AFDN: variants seen among roughly 807,000 people sequenced by gnomAD.
The protein encoded by AFDN is afadin, adherens junction formation factor.
AFDN carries 68 observed loss-of-function variants against 216.6 expected under a neutral mutation model. The observed-to-expected ratio is 0.31, with a 90% confidence interval of 0.26 to 0.38. AFDN has a LOEUF of 0.38. AFDN is among the 10% of genes least tolerant of loss of function. The probability of loss-of-function intolerance (pLI) is 1.00; values close to 1 mark genes in which losing one functional copy is unlikely to be tolerated. For missense variants in AFDN, 2,136 were observed against 2,342.0 expected (o/e 0.91, Z 1.82); for synonymous variants, 868 against 853.7 (o/e 1.02, Z -0.29).
At chr6:167,931,141 A>T (rs57847661) in intron 23 of AFDN, among the ~76,000 whole-genome samples, 23,210 of 152,190 alleles carry the variant, frequency 0.15, 1,976 homozygotes, top group South Asian at 0.23. Flanking sequence ...GTAGGTACTG[A>T]TACATATTTG....
chr6:167,905,661 A>G (rs912491830), intron 12 of AFDN, among the ~76,000 whole-genome samples: 9 of 152,078 alleles, frequency 5.9e-5, no homozygotes, highest in African/African-American at 2.2e-4. Context: ...AAAGTCACTT[A>G]AAAACAAATG....
intron 30 of AFDN, among the ~76,000 whole-genome samples, chr6:167,959,166 C>T (rs534615230): frequency 6.6e-6 from 1 of 152,328 alleles, no homozygotes; most frequent in African/African-American, 2.4e-5. Flanking sequence ...GCCACAAGGG[C>T]GTTTCACCAG....
Position 167,827,011 on chromosome 6 carries a change from AGCCGCGGAGGCGGAGGC to A in AFDN, c.-120_-104del. Reference sequence around the variant, plus strand: ...GCGGCGCGGCCGCGGAGGCGGAGGCAGCCGCGGAGGCGGAGGCGGCCGGCGGGGGGTGGCGAGGGGCG... The same window carrying A: ...GCGGCGCGGCCGCGGAGGCGGAGGCAGGCCGGCGGGGGGTGGCGAGGGGCG... On this transcript the variant is annotated 5_prime_UTR_variant, in exon 1 of 34. Transcript: ENST00000683244. The A allele has an allele frequency of 4.1e-6, 1 of 242,158 alleles. No homozygotes were observed. Among genetic ancestry groups the A allele is most frequent in the Non-Finnish European group, 6.5e-6 (1 of 153,658 alleles). The allele number at this position is 242,158 out of a possible 1,614,324, so 15.0% of individuals were successfully genotyped here. A position where few individuals can be genotyped will look rare whatever the true frequency, so the allele number is the denominator to read the frequency against.
chr6:167,899,658 A>G (rs1418526578), intron 11 of AFDN, among the ~76,000 whole-genome samples: 7 of 152,098 alleles, frequency 4.6e-5, no homozygotes, highest in Admixed American at 3.9e-4. Flanking sequence ...AAAAATCTTG[A>G]TCTGGTATAT....
In AFDN at chr6:167,971,301, G is replaced by A. The variant is rs1222802426; in HGVS notation, c.*1366G>A. ...AGGAAAATAGACACATTTTCAAAGA[G>A]AATGTTCTCTTACATATGTTAGGAA... On this transcript the variant is annotated 3_prime_UTR_variant, in exon 34 of 34. Coordinates refer to ENST00000683244, the MANE Select transcript of AFDN (RefSeq NM_001386888.1). The A allele has an allele frequency of 1.4e-5, 3 of 217,564 alleles. No homozygotes were observed. The highest frequency in any genetic ancestry group is 6.7e-5 in the African/African-American group (3 of 44,490). The allele number at this position is 217,564 out of a possible 1,614,324, so 13.5% of individuals were successfully genotyped here.
intron 5 of AFDN, among the ~76,000 whole-genome samples, chr6:167,880,078 C>T (rs573422115): frequency 6.6e-6 from 1 of 152,166 alleles, no homozygotes; most frequent in South Asian, 2.1e-4. Context: ...ATACGGAAAT[C>T]AATTCATTGT....
At chr6:167,868,881 G>T (rs1262183421) in intron 2 of AFDN, among the ~76,000 whole-genome samples, 1 of 149,700 alleles carries the variant, frequency 6.7e-6, no homozygotes, top group Admixed American at 6.7e-5. Context: ...TCCCCCCTCA[G>T]CCCTCCAAGC....
intron 1 of AFDN, among the ~76,000 whole-genome samples, chr6:167,846,580 T>C (rs1333548717): frequency 2.0e-5 from 3 of 152,074 alleles, no homozygotes; most frequent in Admixed American, 2.0e-4. Flanking sequence ...TTAAAACTTC[T>C]CATTAACTTT....
At chr6:167,926,597 A>G (rs2128523868) in intron 23 of AFDN, among the ~76,000 whole-genome samples, 1 of 152,280 alleles carries the variant, frequency 6.6e-6, no homozygotes, top group Middle Eastern at 3.4e-3. Flanking sequence ...ATGCCTGGCT[A>G]ATTTTAAAAA....
chr6:167,940,935 A>G (rs1025935358), intron 23 of AFDN, among the ~76,000 whole-genome samples: 75 of 39,328 alleles, frequency 1.9e-3, no homozygotes, highest in African/African-American at 2.8e-3. Context: ...CACAGGAGAG[A>G]TGTGTGGACA....
intron 23 of AFDN, among the ~76,000 whole-genome samples, chr6:167,930,266 G>A (rs1232085881): frequency 2.0e-5 from 3 of 152,164 alleles, no homozygotes; most frequent in Admixed American, 2.0e-4. Context: ...GAGACTAAGC[G>A]TGGATTTGAC....
At chr6:167,966,708 G>A (rs1277424207) in intron 32 of AFDN, among the ~76,000 whole-genome samples, 1 of 152,180 alleles carries the variant, frequency 6.6e-6, no homozygotes, top group Non-Finnish European at 1.5e-5. Flanking sequence ...AATGTTGGCA[G>A]AACTTTCTGT....
intron 1 of AFDN, among the ~76,000 whole-genome samples, chr6:167,832,140 C>T (rs1454369098): frequency 6.6e-6 from 1 of 152,178 alleles, no homozygotes; most frequent in Admixed American, 6.5e-5. Flanking sequence ...AGACAGAGAT[C>T]AAATGTATCT....
At chr6:167,955,881 C>T (rs1476988875) in intron 30 of AFDN, among the ~76,000 whole-genome samples, 2 of 151,798 alleles carry the variant, frequency 1.3e-5, no homozygotes, top group Non-Finnish European at 2.9e-5. Flanking sequence ...TTTGGGAGGC[C>T]GAGCAGGTGA....
At chr6:167,878,144 T>C (rs1257735810) in intron 5 of AFDN, among the ~76,000 whole-genome samples, 2 of 152,174 alleles carry the variant, frequency 1.3e-5, no homozygotes, top group Admixed American at 1.3e-4. Context: ...TTGGGTTTTT[T>C]AGCGCGCAGT....
intron 30 of AFDN, among the ~76,000 whole-genome samples, chr6:167,958,646 G>T (rs566743804): frequency 6.6e-6 from 1 of 152,198 alleles, no homozygotes; most frequent in Admixed American, 6.5e-5. Flanking sequence ...TGGTTCTGCT[G>T]CTTTCCTTAC....
intron 20 of AFDN, among the ~76,000 whole-genome samples, chr6:167,917,556 G>C (rs1356773172): frequency 3.3e-5 from 5 of 152,152 alleles, no homozygotes. Context: ...CTCTGTCACA[G>C]ATCACCCTCT....
chr6:167,844,944 C>T (rs1044100231), intron 1 of AFDN, among the ~76,000 whole-genome samples: 2 of 150,362 alleles, frequency 1.3e-5, no homozygotes, highest in African/African-American at 2.4e-5. Flanking sequence ...ACTGTAGCCT[C>T]GACCTCCCAG....
intron 23 of AFDN, among the ~76,000 whole-genome samples, chr6:167,925,910 A>G (rs1792465761): frequency 6.6e-6 from 1 of 152,288 alleles, no homozygotes; most frequent in African/African-American, 2.4e-5. Context: ...CTTTGCTGAT[A>G]TTTTGCTTAA....
Sources: allele counts gnomAD v4.1 joint callset (sites outside exome capture counted in the v4.1 genomes callset), GRCh38; gene constraint gnomAD v4.1.1; transcripts MANE v1.5; gene names NCBI Gene and HGNC (gene_info 2026-07-23, HGNC 2026-07-21).